The following TMEM255A variants were observed in gnomAD, a reference collection of about 807,000 sequenced individuals.
TMEM255A encodes family with sequence similarity 70, member A.
TMEM255A carries 14 observed loss-of-function variants against 23.5 expected under a neutral mutation model. That is an observed-to-expected ratio of 0.60 (90% confidence interval 0.39 to 0.93). TMEM255A has a LOEUF of 0.93. TMEM255A is among the 40% of genes least tolerant of loss of function. The probability of loss-of-function intolerance (pLI) is 0.00; values close to 1 mark genes in which losing one functional copy is unlikely to be tolerated. For synonymous variants in TMEM255A, 104 were observed against 100.3 expected, an observed-to-expected ratio of 1.04 and a Z score of -0.22; for missense variants, 233 against 261.7, an observed-to-expected ratio of 0.89 and a Z score of 0.76.
downstream of TMEM255A, chrX:120,254,001 A>AT: frequency 8.7e-7 from 1 of 1,152,271 alleles, no homozygotes; most frequent in Non-Finnish European, 1.2e-6. Context: ...TGATGATGTC[A>AT]TTTTTTGCTC....
At chrX:120,268,523 T>C in intron 7 of TMEM255A, 136 bp from the exon 8 acceptor site, 1 of 408,894 alleles carries the variant, frequency 2.4e-6, no homozygotes, top group Non-Finnish European at 3.9e-6. Context: ...TAGAGAAGGT[T>C]GTCCAGGATA....
At chrX:120,280,475 G>A (rs1465036543) in intron 6 of TMEM255A, among the ~76,000 whole-genome samples, 4 of 109,235 alleles carry the variant, frequency 3.7e-5, no homozygotes, top group Non-Finnish European at 7.6e-5. Context: ...GATATGGTTC[G>A]GGTTTAGCAA....
At chrX:120,268,740 T>C (rs1180492389) in intron 7 of TMEM255A, among the ~76,000 whole-genome samples, 1 of 112,034 alleles carries the variant, frequency 8.9e-6, no homozygotes, top group African/African-American at 3.2e-5. Flanking sequence ...TTCTTAACTT[T>C]CTACTATATA....
At chrX:120,290,638 G>A (rs190763373) in intron 4 of TMEM255A, among the ~76,000 whole-genome samples, 1 of 112,144 alleles carries the variant, frequency 8.9e-6, no homozygotes, top group East Asian at 2.8e-4. Flanking sequence ...TGTGTCATTT[G>A]CTTTATAAGA....
chrX:120,253,382 C>G, the TMEM255A span: 16 of 1,140,408 alleles, frequency 1.4e-5, no homozygotes, highest in African/African-American at 1.8e-5. Flanking sequence ...CTCTCTAATC[C>G]TCTCCCATCC....
chrX:120,289,640 T>C (rs1304639996), intron 4 of TMEM255A, among the ~76,000 whole-genome samples: 1 of 111,932 alleles, frequency 8.9e-6, no homozygotes, highest in African/African-American at 3.3e-5. Flanking sequence ...ACATACTTAC[T>C]ATATGATCCA....
At chrX:120,304,519 G>T (rs1556026651) in intron 1 of TMEM255A, 28 bp from the exon 2 acceptor site, 1 of 1,194,740 alleles carries the variant, frequency 8.4e-7, no homozygotes, top group South Asian at 1.8e-5. Context: ...AATTAAAATT[G>T]CTCATTTCAG....
intron 1 of TMEM255A, among the ~76,000 whole-genome samples, chrX:120,310,680 T>TC (rs1184281700): frequency 5.7e-4 from 6 of 10,560 alleles, no homozygotes; most frequent in African/African-American, 1.9e-3. Context: ...CCTCCCCTCA[T>TC]CCCCCCCTTT....
intron 7 of TMEM255A, among the ~76,000 whole-genome samples, chrX:120,274,100 T>C (rs1426685899): frequency 8.9e-6 from 1 of 112,228 alleles, no homozygotes; most frequent in Admixed American, 9.4e-5. Context: ...CACTGATATA[T>C]GCTACAAGGT....
intron 2 of TMEM255A, among the ~76,000 whole-genome samples, chrX:120,302,055 C>T (rs2058036613): frequency 9.0e-6 from 1 of 111,698 alleles, no homozygotes; most frequent in African/African-American, 3.3e-5. Context: ...AAGGTTAAAT[C>T]ATGGGGGCAC....
rs782441986 is a variant in TMEM255A, at chrX:120,259,785, A to G, written c.*1085T>C. 8.9e-6 allele frequency: 1 copy of G among 111,842 alleles called. No individual in the cohort carries two copies. The highest frequency in any genetic ancestry group is 3.8e-4 in the South Asian group (1 of 2,627). The allele number at this position is 111,842 out of a possible 1,213,427, so 9.2% of individuals were successfully genotyped here. Reference sequence around the variant, plus strand: ...ATTTTAAATCTGCCGTAACACTTAAATATTTGTCAAGTTGGCTACGTTTGA... The same window carrying G: ...ATTTTAAATCTGCCGTAACACTTAAGTATTTGTCAAGTTGGCTACGTTTGA... On this transcript the variant is annotated 3_prime_UTR_variant, in exon 9 of 9. Transcript: ENST00000371369.
the TMEM255A span, among the ~76,000 whole-genome samples, chrX:120,253,098 A>T: frequency 4.5e-5 from 5 of 111,680 alleles, no homozygotes; most frequent in South Asian, 7.5e-4. Context: ...GGACTAAGAA[A>T]ATTAATTCTA....
At position 120,311,390 on chromosome X, in the gene TMEM255A, T is replaced by C. The variant is rs930556586; in HGVS notation, c.-81A>G. Reference sequence around the variant, plus strand: ...CTGGGCGCCCCGCAGAGCATCCTACTCCGCGGTTGCCTCTCTCGGTCCTTC... The same window carrying C: ...CTGGGCGCCCCGCAGAGCATCCTACCCCGCGGTTGCCTCTCTCGGTCCTTC... On this transcript the variant is annotated 5_prime_UTR_variant, in exon 1 of 9. Transcript: ENST00000371369. The C allele has an allele frequency of 1.2e-6, 1 of 857,577 alleles. No homozygotes were observed. Among genetic ancestry groups the C allele is most frequent in the Non-Finnish European group, 1.7e-6 (1 of 592,387 alleles). 70.7% of individuals were successfully genotyped at this position (857,577 alleles called of 1,213,427 possible). A position where few individuals can be genotyped will look rare whatever the true frequency, so the allele number is the denominator to read the frequency against.
the TMEM255A span, chrX:120,253,507 T>A: frequency 8.3e-7 from 1 of 1,212,030 alleles, no homozygotes; most frequent in East Asian, 3.0e-5. Context: ...CATGGACTCT[T>A]CTGTGATGTT....
At chrX:120,285,650 C>T (rs2057869209) in intron 5 of TMEM255A, 1 of 1,209,377 alleles carries the variant, frequency 8.3e-7, no homozygotes, top group African/African-American at 1.8e-5. Flanking sequence ...GGTAAGGTTC[C>T]TCATAACCCT....
chrX:120,267,048 T>C (rs782459885), intron 8 of TMEM255A, among the ~76,000 whole-genome samples: 62 of 112,126 alleles, frequency 5.5e-4, no homozygotes, highest in Non-Finnish European at 1.0e-3. Flanking sequence ...GGTCTGATTT[T>C]TCACAAAAAA....
intron 7 of TMEM255A, among the ~76,000 whole-genome samples, chrX:120,271,130 G>A (rs781885361): frequency 2.8e-4 from 31 of 111,250 alleles, no homozygotes; most frequent in Admixed American, 5.7e-4. Context: ...CTCTCCTTCC[G>A]TACTGTCAAA....
At chrX:120,273,704 A>C (rs1408804134) in intron 7 of TMEM255A, among the ~76,000 whole-genome samples, 1 of 112,466 alleles carries the variant, frequency 8.9e-6, no homozygotes, top group Non-Finnish European at 1.9e-5. Context: ...GTACAAATCA[A>C]AACCACAACA....
chrX:120,263,163 T>C (rs1226748963), intron 8 of TMEM255A, among the ~76,000 whole-genome samples: 3 of 111,824 alleles, frequency 2.7e-5, no homozygotes, highest in African/African-American at 6.5e-5. Context: ...TACCAGTGCA[T>C]AGTTTCCTAG....
Sources: allele counts gnomAD v4.1 joint callset (sites outside exome capture counted in the v4.1 genomes callset), GRCh38; gene constraint gnomAD v4.1.1; transcripts MANE v1.5; gene names NCBI Gene and HGNC (gene_info 2026-07-23, HGNC 2026-07-21).